FRMD4A: variants seen among roughly 807,000 people sequenced by gnomAD.
FRMD4A encodes the protein FERM domain-containing protein 4A.
FRMD4A carries 29 observed loss-of-function variants against 129.1 expected under a neutral mutation model. The ratio of observed to expected loss-of-function variants is 0.22; its 90% CI spans 0.17 to 0.31. FRMD4A has a LOEUF of 0.31. FRMD4A is among the 10% of genes least tolerant of loss of function. FRMD4A has a pLI of 1.00. For missense variants in FRMD4A, 1,272 were observed against 1,375.8 expected, an observed-to-expected ratio of 0.92 and a Z score of 1.19; for synonymous variants, 634 against 571.6, an observed-to-expected ratio of 1.11 and a Z score of -1.56.
chr10:13,892,027 GC>G lies in FRMD4A; in HGVS notation c.46-33116del, dbSNP rs577257969. Among the ~76,000 whole-genome samples the G allele has an allele frequency of 5.1e-5, 7 of 136,756 alleles. No individual in the cohort carries two copies. In the South Asian group the frequency reaches 1.6e-3, roughly 32 times the overall value. 89.7% of individuals were successfully genotyped at this position (136,756 alleles called of 152,430 possible). A position where few individuals can be genotyped will look rare whatever the true frequency, so the allele number is the denominator to read the frequency against. ...ATCCTGGACAACAATGCGCGCCCCCGCCCCCCCAGAAAGCCAGGGACGCCCC... is the reference window on the plus strand; with the variant it reads ...ATCCTGGACAACAATGCGCGCCCCCGCCCCCCAGAAAGCCAGGGACGCCCC... On this transcript the variant is annotated intron_variant, in intron 2 of 24. Transcript: ENST00000357447.
intron 2 of FRMD4A, among the ~76,000 whole-genome samples, chr10:14,045,104 T>C (rs1205205515): frequency 1.3e-5 from 2 of 152,134 alleles, no homozygotes; most frequent in Non-Finnish European, 1.5e-5. Context: ...GGCCTATCTA[T>C]GTTGCCCTGG....
At position 13,662,631 on chromosome 10, in the gene FRMD4A, C is replaced by T. The variant is rs948311082; in HGVS notation, c.1660+822G>A. Among the ~76,000 whole-genome samples, 3 of 151,976 alleles carry T rather than the reference C, an allele frequency of 2.0e-5. No individual in the cohort carries two copies. In the East Asian group the frequency reaches 5.8e-4, roughly 29 times the overall value. ...TCAGTTCTGTTTTTTTAAGAATTTC[C>T]CAAGAAAATATCCTAACTGCCAGGT... On this transcript the variant is annotated intron_variant, in intron 19 of 24. Transcript: ENST00000357447.
At chr10:13,996,938 T>C (rs1315135774) in intron 2 of FRMD4A, among the ~76,000 whole-genome samples, 1 of 151,692 alleles carries the variant, frequency 6.6e-6, no homozygotes, top group Non-Finnish European at 1.5e-5. Context: ...TCAGCTGGGT[T>C]ATGAAGCCCT....
intron 2 of FRMD4A, among the ~76,000 whole-genome samples, chr10:14,039,382 C>CTAT (rs1833662513): frequency 8.8e-6 from 1 of 113,634 alleles, no homozygotes; most frequent in African/African-American, 4.2e-5. Flanking sequence ...ATCCATCCAT[C>CTAT]CATCCATCCA....
intron 2 of FRMD4A, among the ~76,000 whole-genome samples, chr10:13,883,855 C>G (rs553860707): frequency 1.3e-5 from 2 of 152,162 alleles, no homozygotes; most frequent in African/African-American, 4.8e-5. Flanking sequence ...ATATAATGTT[C>G]TATAAATACT....
chr10:14,223,763 AAGAG>A lies in FRMD4A; in HGVS notation c.45+106291_45+106294del, dbSNP rs796518106. On this transcript the variant is annotated intron_variant, in intron 2 of 24. Transcript: ENST00000357447. ...CTCAAAATGAAAAAAAAAAAAAAAAAAGAGAGAGAGAGAGAGAGAAAGAGAGAAT... is the reference window on the plus strand; with the variant it reads ...CTCAAAATGAAAAAAAAAAAAAAAAAAGAGAGAGAGAGAGAAAGAGAGAAT... Among the ~76,000 whole-genome samples, 1,028 of 125,100 alleles carry A rather than the reference AAGAG, an allele frequency of 8.2e-3. 27 individuals carry two copies. The highest frequency in any genetic ancestry group is 0.026 in the African/African-American group (830 of 31,696). The allele number at this position is 125,100 out of a possible 152,430, so 82.1% of individuals were successfully genotyped here.
intron 2 of FRMD4A, among the ~76,000 whole-genome samples, chr10:14,147,550 T>C (rs988166813): frequency 6.6e-6 from 1 of 152,164 alleles, no homozygotes; most frequent in Non-Finnish European, 1.5e-5. Flanking sequence ...TTCCTGCAAC[T>C]AGATTGTCTT....
At chr10:13,914,476 A>G (rs1048824388) in intron 2 of FRMD4A, among the ~76,000 whole-genome samples, 1 of 152,228 alleles carries the variant, frequency 6.6e-6, no homozygotes, top group Non-Finnish European at 1.5e-5. Context: ...CCGAATTCTA[A>G]TAAGAGCTTC....
intron 2 of FRMD4A, among the ~76,000 whole-genome samples, chr10:13,931,579 C>T (rs7904694): frequency 0.11 from 16,999 of 152,008 alleles, 1,410 homozygotes; most frequent in East Asian, 0.3. Context: ...AAAGCCTTTG[C>T]TCTATCCCCT....
chr10:14,013,469 T>C (rs1379782815), intron 2 of FRMD4A, among the ~76,000 whole-genome samples: 2 of 151,622 alleles, frequency 1.3e-5, no homozygotes, highest in African/African-American at 2.4e-5. Context: ...AAAAGAGGGG[T>C]GTGGGGCTCA....
chr10:13,654,276 G>A (rs2081944264), intron 23 of FRMD4A, 140 bp downstream of exon 23: 1 of 689,100 alleles, frequency 1.5e-6, no homozygotes, highest in Non-Finnish European at 2.6e-6. Flanking sequence ...CAGATCATGG[G>A]GCTTCTCTTG....
At chr10:14,172,501 C>G (rs1841528770) in intron 2 of FRMD4A, among the ~76,000 whole-genome samples, 1 of 152,196 alleles carries the variant, frequency 6.6e-6, no homozygotes, top group African/African-American at 2.4e-5. Context: ...ATAGGAAACT[C>G]CCTTCGAAGT....
intron 2 of FRMD4A, among the ~76,000 whole-genome samples, chr10:14,299,966 T>C (rs1465825679): frequency 6.6e-6 from 1 of 151,762 alleles, no homozygotes; most frequent in Admixed American, 6.6e-5. Flanking sequence ...GAAGAAGACA[T>C]GAGAAAGAGA....
At chr10:14,200,774 G>A (rs1357002651) in intron 2 of FRMD4A, among the ~76,000 whole-genome samples, 1 of 152,150 alleles carries the variant, frequency 6.6e-6, no homozygotes, top group Non-Finnish European at 1.5e-5. Flanking sequence ...CCTTCCAGGC[G>A]CTTTTTTCCG....
intron 15 of FRMD4A, among the ~76,000 whole-genome samples, chr10:13,677,419 A>G (rs2084099636): frequency 6.6e-6 from 1 of 152,220 alleles, no homozygotes; most frequent in Non-Finnish European, 1.5e-5. Flanking sequence ...AATTTGTTCC[A>G]TCGTGGAACC....
At chr10:13,750,138 AAG>A (rs1352120327) in intron 8 of FRMD4A, among the ~76,000 whole-genome samples, 1 of 151,626 alleles carries the variant, frequency 6.6e-6, no homozygotes, top group African/African-American at 2.4e-5. Context: ...GAAAGAAAGA[AAG>A]AAAGAAAGAA....
intron 2 of FRMD4A, among the ~76,000 whole-genome samples, chr10:14,127,283 C>T (rs1263792139): frequency 6.6e-6 from 1 of 152,196 alleles, no homozygotes; most frequent in Non-Finnish European, 1.5e-5. Flanking sequence ...GGAGCTCTTG[C>T]TGAGCTGCTG....
At chr10:13,986,872 A>T (rs762331218) in intron 2 of FRMD4A, among the ~76,000 whole-genome samples, 2 of 151,864 alleles carry the variant, frequency 1.3e-5, no homozygotes, top group Non-Finnish European at 2.9e-5. Context: ...CTTGCAGATG[A>T]GTTCTTCAAT....
intron 2 of FRMD4A, among the ~76,000 whole-genome samples, chr10:14,146,848 A>C (rs1180330903): frequency 5.3e-5 from 8 of 152,246 alleles, no homozygotes; most frequent in Non-Finnish European, 2.9e-5. Context: ...ACTGAAAATA[A>C]ATATGCAGTT....
Sources: gnomAD v4.1 joint callset for allele counts (sites outside exome capture counted in the v4.1 genomes callset) on GRCh38, gnomAD v4.1.1 for gene constraint, MANE v1.5 for transcripts, NCBI Gene and HGNC (gene_info 2026-07-23, HGNC 2026-07-21) for gene names.